Variants in XPNPEP3 observed in about 807,000 individuals in gnomAD.
XPNPEP3 encodes the protein xaa-Pro aminopeptidase 3.
A neutral mutation model predicts 60.0 loss-of-function variants in XPNPEP3; 41 were observed. The observed-to-expected ratio is 0.68, with a 90% CI of 0.53 to 0.89. The LOEUF is 0.89. Among genes scored for constraint, XPNPEP3 ranks in the 40% least tolerant of loss-of-function variants. The probability of loss-of-function intolerance (pLI) is 0.00; values close to 1 mark genes in which losing one functional copy is unlikely to be tolerated. For missense variants in XPNPEP3, 598 were observed against 638.9 expected, an observed-to-expected ratio of 0.94 and a Z score of 0.69; for synonymous variants, 212 against 223.2, an observed-to-expected ratio of 0.95 and a Z score of 0.45.
At chr22:40,888,636 CTT>C (rs1252582018) in intron 4 of XPNPEP3, among the ~76,000 whole-genome samples, 27 of 143,020 alleles carry the variant, frequency 1.9e-4, no homozygotes, top group Non-Finnish European at 1.4e-4. Context: ...TGGTTTCTAT[CTT>C]TTTTTTTTTT....
chr22:40,864,453 A>C (rs180968817), intron 1 of XPNPEP3, among the ~76,000 whole-genome samples: 18 of 152,108 alleles, frequency 1.2e-4, no homozygotes, highest in African/African-American at 4.1e-4. Context: ...TGTTACTATT[A>C]TTATTATTTG....
chr22:40,884,854 C>T (rs2058062324), intron 3 of XPNPEP3, among the ~76,000 whole-genome samples: 1 of 151,348 alleles, frequency 6.6e-6, no homozygotes, highest in African/African-American at 2.4e-5. Context: ...GGTGAAACCC[C>T]GTCTCTACTA....
At chr22:40,893,337 GTC>G (rs965672836) in intron 4 of XPNPEP3, among the ~76,000 whole-genome samples, 3 of 149,954 alleles carry the variant, frequency 2.0e-5, no homozygotes, top group Non-Finnish European at 3.0e-5. Context: ...GAGAAACCCA[GTC>G]TCTACTAAAA....
intron 4 of XPNPEP3, among the ~76,000 whole-genome samples, chr22:40,900,624 CTT>C (rs2058128492): frequency 6.6e-6 from 1 of 151,754 alleles, no homozygotes; most frequent in Non-Finnish European, 1.5e-5. Flanking sequence ...AATAATTAAA[CTT>C]AATTTAAGAA....
Position 40,925,690 on chromosome 22 carries a change from C to T in XPNPEP3, c.1358-579C>T, listed in dbSNP as rs114179765. ...GGTACCTGGGGTTCCTACATTTTTC[C>T]AAATGTACATTAAAGTCTTTCAGTT... On this transcript the variant is annotated intron_variant, in intron 9 of 9. Coordinates refer to ENST00000357137, the MANE Select transcript of XPNPEP3 (RefSeq NM_022098.4). 8.4e-3 allele frequency among the ~76,000 whole-genome samples: 1,285 copies of T among 152,220 alleles called. 15 individuals carry two copies. The highest frequency in any genetic ancestry group is 0.029 in the African/African-American group (1,218 of 41,540).
At chr22:40,925,224 A>C (rs1331416216) in intron 9 of XPNPEP3, among the ~76,000 whole-genome samples, 1 of 152,232 alleles carries the variant, frequency 6.6e-6, no homozygotes, top group East Asian at 1.9e-4. Flanking sequence ...CATAAGCTTC[A>C]GAGAAAGCTA....
chr22:40,857,292 G>A (rs192508709), intron 1 of XPNPEP3, 47 bp downstream of exon 1: 2 of 1,607,902 alleles, frequency 1.2e-6, no homozygotes, highest in African/African-American at 2.7e-5. Flanking sequence ...CCCCTGGAGG[G>A]ACCCAAGTTG....
At chr22:40,884,455 G>T (rs868725167) in intron 3 of XPNPEP3, among the ~76,000 whole-genome samples, 2 of 150,214 alleles carry the variant, frequency 1.3e-5, no homozygotes, top group Non-Finnish European at 3.0e-5. Flanking sequence ...TCAGCCTCCC[G>T]TGTAGCTGGG....
At chr22:40,861,546 A>G (rs754203519) in intron 1 of XPNPEP3, 1 of 1,613,472 alleles carries the variant, frequency 6.2e-7, no homozygotes, top group Non-Finnish European at 8.5e-7. Context: ...ATATGAAGAA[A>G]ATTTCTCAAA....
At chr22:40,868,069 A>G (rs1274895590) in intron 1 of XPNPEP3, among the ~76,000 whole-genome samples, 1 of 152,150 alleles carries the variant, frequency 6.6e-6, no homozygotes, top group Non-Finnish European at 1.5e-5. Flanking sequence ...AGACCACAGC[A>G]TATAGCCTTG....
In XPNPEP3 at chr22:40,880,263, AAGTT is replaced by A. The variant is rs879826789; in HGVS notation, c.182-1505_182-1502del. Among the ~76,000 whole-genome samples the A allele has an allele frequency of 5.1e-3, 772 of 152,116 alleles. 3 individuals are homozygous for A. Among genetic ancestry groups the A allele is most frequent in the African/African-American group, 0.017 (723 of 41,492 alleles). ...TCCTACAGTATAGAAATGGCTGAATAAGTTATGGTCTCTTCACCCCAAGAAATGT... is the reference window on the plus strand; with the variant it reads ...TCCTACAGTATAGAAATGGCTGAATAATGGTCTCTTCACCCCAAGAAATGT... On this transcript the variant is annotated intron_variant, in intron 2 of 9. Coordinates refer to ENST00000357137, the MANE Select transcript of XPNPEP3 (RefSeq NM_022098.4).
chr22:40,864,453 A>G (rs180968817), intron 1 of XPNPEP3, among the ~76,000 whole-genome samples: 42 of 152,108 alleles, frequency 2.8e-4, no homozygotes, highest in African/African-American at 9.9e-4. Flanking sequence ...TGTTACTATT[A>G]TTATTATTTG....
At position 40,914,245 on chromosome 22, in the gene XPNPEP3, G is replaced by A. The variant is rs974708904; in HGVS notation, c.976G>A (p.Glu326Lys). Residue 326 changes from glutamate (E) to lysine (K), a missense_variant, in exon 7 of 10, where the codon GAA becomes AAA. Coordinates refer to ENST00000357137, the MANE Select transcript of XPNPEP3 (RefSeq NM_022098.4). ...VKNNQLIKDGEMVLLDGGCES... is the reference protein window; with the variant it reads ...VKNNQLIKDGKMVLLDGGCES... ...CTGTCTTACTTTGTTCCAGGATGGG[G>A]AAATGGTGCTTCTGGATGGAGGTTG... The A allele has an allele frequency of 1.9e-6, 3 of 1,613,936 alleles. No homozygotes were observed. Among genetic ancestry groups the A allele is most frequent in the African/African-American group, 1.3e-5 (1 of 74,906 alleles).
chr22:40,861,133 CTT>C (rs2057942773), intron 1 of XPNPEP3: 1 of 1,614,006 alleles, frequency 6.2e-7, no homozygotes, highest in Non-Finnish European at 8.5e-7. Flanking sequence ...TTACCACCCT[CTT>C]TGACTCCTGC....
intron 1 of XPNPEP3, chr22:40,861,905 C>T (rs755982037): frequency 6.2e-7 from 1 of 1,613,792 alleles, no homozygotes; most frequent in East Asian, 2.2e-5. Context: ...TATCAGGGTG[C>T]CATTTAAGTG....
chr22:40,891,614 C>T (rs2058088899), intron 4 of XPNPEP3, among the ~76,000 whole-genome samples: 1 of 151,400 alleles, frequency 6.6e-6, no homozygotes, highest in Admixed American at 6.6e-5. Context: ...GATCGCACCA[C>T]TGCACTCCAG....
At chr22:40,893,673 A>G (rs369161662) in intron 4 of XPNPEP3, among the ~76,000 whole-genome samples, 3 of 151,370 alleles carry the variant, frequency 2.0e-5, no homozygotes, top group African/African-American at 4.9e-5. Context: ...CTGGAGTGCA[A>G]TGGCATGATC....
At chr22:40,875,135 T>G (rs905068632) in intron 2 of XPNPEP3, among the ~76,000 whole-genome samples, 11 of 152,192 alleles carry the variant, frequency 7.2e-5, no homozygotes, top group African/African-American at 2.7e-4. Flanking sequence ...GTAATATATT[T>G]TATTTTCTCA....
intron 1 of XPNPEP3, among the ~76,000 whole-genome samples, chr22:40,864,710 G>C (rs576604327): frequency 6.6e-6 from 1 of 152,150 alleles, no homozygotes; most frequent in Admixed American, 6.5e-5. Context: ...CTCCCAAAGC[G>C]CTGGGATTAC....
Sources: allele counts gnomAD v4.1 joint callset (sites outside exome capture counted in the v4.1 genomes callset), GRCh38; gene constraint gnomAD v4.1.1; transcripts MANE v1.5; gene names NCBI Gene and HGNC (gene_info 2026-07-23, HGNC 2026-07-21).